The following VPS13C variants were observed in gnomAD, a reference collection of about 807,000 sequenced individuals.
VPS13C encodes the protein intermembrane lipid transfer protein VPS13C.
VPS13C carries 358 observed loss-of-function variants against 456.8 expected under a neutral mutation model. That is an observed-to-expected ratio of 0.78 (90% CI 0.72 to 0.86). The LOEUF is 0.86. Ranked by LOEUF, VPS13C falls within the 40% of genes least tolerant of loss-of-function variation. The pLI is 0.00. For missense variants in VPS13C, 4,818 were observed against 4,385.4 expected (o/e 1.10, Z -2.79); for synonymous variants, 1,578 against 1,486.7 (o/e 1.06, Z -1.41).
intron 9 of VPS13C, among the ~76,000 whole-genome samples, chr15:62,016,099 T>G (rs1199708761): frequency 6.6e-6 from 1 of 151,406 alleles, no homozygotes; most frequent in Non-Finnish European, 1.5e-5. Context: ...CCCACAACAT[T>G]GTGAAGCCTT....
chr15:61,961,786 A>G lies in VPS13C; in HGVS notation c.3711T>C (p.Phe1237=). The G allele has an allele frequency of 6.2e-7, 1 of 1,614,072 alleles. No homozygotes were observed. Among genetic ancestry groups the G allele is most frequent in the Non-Finnish European group, 8.5e-7 (1 of 1,179,972 alleles). ...TCAAATCAATATTGATGGAAACACG[A>G]AAACTCCTCTGGGCAAGATCTTTCA... ...TSVKDLAQRS[F]RVSINIDLKA... The change falls in exon 35 of 85, where the codon TTT becomes TTC. Residue 1237 remains phenylalanine (F), a synonymous_variant. Coordinates refer to ENST00000644861, the MANE Select transcript of VPS13C (RefSeq NM_020821.3).
chr15:61,972,846 A>C (rs2045596436), intron 26 of VPS13C, 82 bp from the exon 27 acceptor site: 2 of 1,402,092 alleles, frequency 1.4e-6, no homozygotes, highest in South Asian at 1.4e-5. Context: ...ATCTCTAAAA[A>C]GTGAAATTCA....
intron 35 of VPS13C, among the ~76,000 whole-genome samples, chr15:61,961,262 CAT>C (rs1369318478): frequency 6.6e-6 from 1 of 151,452 alleles, no homozygotes; most frequent in African/African-American, 2.4e-5. Context: ...CATGGTAGCA[CAT>C]GTCTATAGTC....
intron 67 of VPS13C, among the ~76,000 whole-genome samples, chr15:61,886,245 T>A (rs185473658): frequency 6.6e-6 from 1 of 152,168 alleles, no homozygotes; most frequent in Non-Finnish European, 1.5e-5. Context: ...TGATGACATA[T>A]TTTGCCTTAA....
intron 35 of VPS13C, among the ~76,000 whole-genome samples, chr15:61,961,264 T>C (rs914155038): frequency 6.6e-6 from 1 of 151,448 alleles, no homozygotes; most frequent in African/African-American, 2.4e-5. Flanking sequence ...TGGTAGCACA[T>C]GTCTATAGTC....
chr15:62,020,575 A>T (rs2047427927), intron 8 of VPS13C, 37 bp from the exon 9 acceptor site: 1 of 1,598,976 alleles, frequency 6.3e-7, no homozygotes, highest in Admixed American at 1.7e-5. Context: ...AAATATGCTG[A>T]TGGTGAAGGC....
intron 60 of VPS13C, among the ~76,000 whole-genome samples, chr15:61,916,551 C>T (rs543452280): frequency 5.0e-4 from 76 of 152,206 alleles, no homozygotes; most frequent in African/African-American, 1.2e-3. Context: ...AATCTCCTTA[C>T]ATAAATACTA....
At chr15:61,915,292 A>C (rs181248882) in intron 61 of VPS13C, among the ~76,000 whole-genome samples, 55 of 152,314 alleles carry the variant, frequency 3.6e-4, no homozygotes, top group Non-Finnish European at 1.0e-4. Context: ...GGCTCAACTA[A>C]TATATGCCAA....
At chr15:61,896,802 CACAG>C (rs2042834886) in intron 66 of VPS13C, among the ~76,000 whole-genome samples, 1 of 152,150 alleles carries the variant, frequency 6.6e-6, no homozygotes, top group Non-Finnish European at 1.5e-5. Context: ...GGGGGCAGGG[CACAG>C]ACAAACAAAA....
At chr15:62,007,169 A>G (rs2046879432) in intron 15 of VPS13C, 139 bp downstream of exon 15, 1 of 785,226 alleles carries the variant, frequency 1.3e-6, no homozygotes, top group Non-Finnish European at 1.7e-6. Context: ...AAAATTCTGC[A>G]TTTTCCCACA....
At chr15:61,883,051 G>T (rs941296272) in intron 68 of VPS13C, among the ~76,000 whole-genome samples, 45 of 147,930 alleles carry the variant, frequency 3.0e-4, no homozygotes, top group African/African-American at 1.1e-3. Flanking sequence ...TTTTTTTTTT[G>T]AAACGGCATC....
At chr15:61,929,009 G>T (rs2043963951) in intron 51 of VPS13C, among the ~76,000 whole-genome samples, 1 of 152,158 alleles carries the variant, frequency 6.6e-6, no homozygotes, top group Non-Finnish European at 1.5e-5. Flanking sequence ...AATAAAAGAA[G>T]TACAGAGCTG....
At chr15:61,902,551 C>G (rs2043032492) in intron 66 of VPS13C, among the ~76,000 whole-genome samples, 1 of 149,114 alleles carries the variant, frequency 6.7e-6, no homozygotes. Context: ...TCAACATAAG[C>G]AAATTAACAT....
chr15:61,946,261 C>T, intron 44 of VPS13C, 46 bp downstream of exon 44: 1 of 1,440,044 alleles, frequency 6.9e-7, no homozygotes, highest in Non-Finnish European at 9.5e-7. Context: ...ATCTCAAATC[C>T]AAAAGGCAAA....
At chr15:61,857,166 G>A (rs1893963129) in intron 82 of VPS13C, among the ~76,000 whole-genome samples, 1 of 152,024 alleles carries the variant, frequency 6.6e-6, no homozygotes, top group Admixed American at 6.6e-5. Flanking sequence ...AAATATTTAG[G>A]GTGCCAGAGA....
intron 82 of VPS13C, 68 bp downstream of exon 82, chr15:61,863,372 A>T: frequency 8.4e-7 from 1 of 1,197,364 alleles, no homozygotes; most frequent in Non-Finnish European, 1.2e-6. Flanking sequence ...CTGCCATTTT[A>T]GCCTTCAAAA....
In VPS13C at chr15:61,936,661, C is replaced by A. The variant is rs569151930; in HGVS notation, c.5691G>T (p.Gln1897His). Residue 1897 changes from glutamine to histidine, a missense_variant, in exon 48 of 85, where the codon CAG (glutamine) becomes CAT (histidine). Coordinates refer to ENST00000644861, the MANE Select transcript of VPS13C (RefSeq NM_020821.3). Reference protein sequence around the residue: ...GEASSQPSPTQSVQETVRVRK... With the variant: ...GEASSQPSPTHSVQETVRVRK... ...TCACTCTTACAGTCTCCTGCACAGA[C>A]TGTGTAGGGCTTGGTTGTGAGGAAG... 1 of 1,612,316 alleles carries A rather than the reference C, an allele frequency of 6.2e-7. No individual in the cohort carries two copies. Among genetic ancestry groups the A allele is most frequent in the African/African-American group, 1.3e-5 (1 of 74,926 alleles).
At chr15:61,895,515 TAA>T (rs2042781588) in intron 66 of VPS13C, among the ~76,000 whole-genome samples, 1 of 152,150 alleles carries the variant, frequency 6.6e-6, no homozygotes, top group African/African-American at 2.4e-5. Flanking sequence ...AGGAGACTTA[TAA>T]CAGTTGATAC....
intron 56 of VPS13C, 59 bp from the exon 57 acceptor site, chr15:61,920,390 C>T: frequency 6.6e-7 from 1 of 1,509,308 alleles, no homozygotes; most frequent in Non-Finnish European, 8.8e-7. Context: ...CTTCCCAAAA[C>T]CTATACCATA....
Sources: gnomAD v4.1 joint callset for allele counts (sites outside exome capture counted in the v4.1 genomes callset) on GRCh38, gnomAD v4.1.1 for gene constraint, MANE v1.5 for transcripts, NCBI Gene and HGNC (gene_info 2026-07-23, HGNC 2026-07-21) for gene names.